AMBRA1: variants seen among roughly 807,000 people sequenced by gnomAD.
AMBRA1 encodes activating molecule in BECN1-regulated autophagy protein 1.
A neutral mutation model predicts 125.4 loss-of-function variants in AMBRA1; 47 were observed. The observed-to-expected ratio is 0.37, with a 90% CI of 0.30 to 0.48. The LOEUF is 0.48. Ranked by LOEUF, AMBRA1 falls within the 20% of genes least tolerant of loss-of-function variation. AMBRA1 has a pLI of 0.99. For missense variants in AMBRA1, 1,331 were observed against 1,693.4 expected, an observed-to-expected ratio of 0.79 and a Z score of 3.76; for synonymous variants, 626 against 655.5, an observed-to-expected ratio of 0.95 and a Z score of 0.69.
At chr11:46,475,419 AG>A (rs1313446363) in intron 11 of AMBRA1, among the ~76,000 whole-genome samples, 4 of 152,234 alleles carry the variant, frequency 2.6e-5, no homozygotes, top group Non-Finnish European at 4.4e-5. Context: ...CATTTCTTTG[AG>A]GGGGTAGACT....
At chr11:46,545,068 A>G (rs535803359) in intron 5 of AMBRA1, among the ~76,000 whole-genome samples, 9 of 145,720 alleles carry the variant, frequency 6.2e-5, no homozygotes, top group Admixed American at 5.6e-4. Flanking sequence ...TCAAGGCTGC[A>G]GTAACTTGGG....
chr11:46,556,505 C>A (rs1241871409), intron 1 of AMBRA1, among the ~76,000 whole-genome samples: 1 of 152,176 alleles, frequency 6.6e-6, no homozygotes, highest in Non-Finnish European at 1.5e-5. Context: ...AAAGTGCTAA[C>A]TGGTTAACTC....
chr11:46,435,333 A>T (rs912109555), intron 12 of AMBRA1, among the ~76,000 whole-genome samples: 16 of 152,182 alleles, frequency 1.1e-4, no homozygotes, highest in African/African-American at 3.9e-4. Flanking sequence ...ATAAGGAAAA[A>T]GTTATTAAAA....
intron 2 of AMBRA1, 116 bp downstream of exon 2, chr11:46,548,130 G>A (rs1049143576): frequency 1.4e-6 from 2 of 1,446,230 alleles, no homozygotes; most frequent in Admixed American, 3.9e-5. Flanking sequence ...AGTCAGATAT[G>A]TCAACTCTCC....
At chr11:46,457,929 C>G (rs1410631660) in intron 11 of AMBRA1, among the ~76,000 whole-genome samples, 1 of 150,592 alleles carries the variant, frequency 6.6e-6, no homozygotes, top group Non-Finnish European at 1.5e-5. Context: ...AAAAGACATT[C>G]CACCCTACTG....
At chr11:46,588,301 C>T (rs928002740) in intron 1 of AMBRA1, among the ~76,000 whole-genome samples, 1 of 152,268 alleles carries the variant, frequency 6.6e-6, no homozygotes, top group African/African-American at 2.4e-5. Flanking sequence ...AGCTGCACTC[C>T]AGCCTGGATG....
Position 46,543,211 on chromosome 11 carries a change from G to C in AMBRA1, c.806C>G (p.Ser269Ter), listed in dbSNP as rs1422344202. The change falls in exon 7 of 18, where the codon TCA becomes TGA. Residue 269 changes from serine to a stop codon, truncating the protein, a stop_gained. Transcript: ENST00000683756. LOFTEE classifies it high-confidence loss of function. ...GGGCTGAGGGGGAGGCGGTGGGGGTGAGGGGGTAGCAGAATCTTGCACTGT... is the reference window on the plus strand; with the variant it reads ...GGGCTGAGGGGGAGGCGGTGGGGGTCAGGGGGTAGCAGAATCTTGCACTGT... ...QSTVQDSATP[S>*]PPPPPPQPST... The C allele has an allele frequency of 6.2e-7, 1 of 1,605,788 alleles. No homozygotes were observed. The highest frequency in any genetic ancestry group is 1.3e-5 in the African/African-American group (1 of 74,750).
At chr11:46,482,941 G>A (rs1488104034) in intron 11 of AMBRA1, among the ~76,000 whole-genome samples, 1 of 151,668 alleles carries the variant, frequency 6.6e-6, no homozygotes, top group Non-Finnish European at 1.5e-5. Context: ...CCTGGGAGGC[G>A]GAGGTTGCAG....
At chr11:46,546,754 G>A (rs569107069) in intron 4 of AMBRA1, among the ~76,000 whole-genome samples, 1 of 152,220 alleles carries the variant, frequency 6.6e-6, no homozygotes, top group East Asian at 1.9e-4. Flanking sequence ...AAAAACCAAT[G>A]GTAAACAAGT....
chr11:46,590,532 A>G (rs1266551579), intron 1 of AMBRA1, among the ~76,000 whole-genome samples: 1 of 152,134 alleles, frequency 6.6e-6, no homozygotes, highest in Non-Finnish European at 1.5e-5. Context: ...CTAACGATAT[A>G]CAAAACTAAT....
intron 7 of AMBRA1, among the ~76,000 whole-genome samples, chr11:46,529,469 A>C (rs189097176): frequency 1.7e-4 from 26 of 152,242 alleles, no homozygotes; most frequent in Admixed American, 1.4e-3. Context: ...TACTGCAATG[A>C]CCAGTGACTC....
At position 46,548,520 on chromosome 11, in the gene AMBRA1, T is replaced by C. The variant is rs944622765; in HGVS notation, c.-120-20A>G. 1.9e-6 allele frequency: 2 copies of C among 1,053,272 alleles called. No homozygotes were observed. The highest frequency in any genetic ancestry group is 1.3e-6 in the Non-Finnish European group (1 of 754,120). The allele number at this position is 1,053,272 out of a possible 1,614,324, so 65.2% of individuals were successfully genotyped here. A position where few individuals can be genotyped will look rare whatever the true frequency, so the allele number is the denominator to read the frequency against. Reference sequence around the variant, plus strand: ...GGAAATCTTAAGGAACAAAGAATAATGTCAAAGAACGACTTCTGCAACGAG... The same window carrying C: ...GGAAATCTTAAGGAACAAAGAATAACGTCAAAGAACGACTTCTGCAACGAG... On this transcript the variant is annotated intron_variant, in intron 1 of 17. Coordinates refer to ENST00000683756, the MANE Select transcript of AMBRA1 (RefSeq NM_001387011.1).
At chr11:46,487,425 T>G (rs1950305538) in intron 11 of AMBRA1, among the ~76,000 whole-genome samples, 1 of 152,136 alleles carries the variant, frequency 6.6e-6, no homozygotes, top group Non-Finnish European at 1.5e-5. Context: ...ATGAAAAGTA[T>G]AGCTCTGTCT....
chr11:46,469,713 G>T (rs186471887), intron 11 of AMBRA1, among the ~76,000 whole-genome samples: 1 of 152,144 alleles, frequency 6.6e-6, no homozygotes, highest in Non-Finnish European at 1.5e-5. Context: ...GCCCCAGGGT[G>T]GAGTGCAGTG....
intron 11 of AMBRA1, among the ~76,000 whole-genome samples, chr11:46,475,559 A>G (rs1949782375): frequency 6.6e-6 from 1 of 152,338 alleles, no homozygotes; most frequent in South Asian, 2.1e-4. Context: ...GAATCCTAGG[A>G]TAATTCAATT....
rs559246981 is a variant in AMBRA1, at chr11:46,425,827, G to A, written c.2976+7647C>T. 1.4e-4 allele frequency among the ~76,000 whole-genome samples: 21 copies of A among 151,026 alleles called. No individual in the cohort carries two copies. In the East Asian group the frequency reaches 1.6e-3, roughly 11 times the overall value. Reference sequence around the variant, plus strand: ...GCACTCCAGCCTGTGCAACAAGAGCGAAACTCCGTCTCAAAAACAAAAAAA... The same window carrying A: ...GCACTCCAGCCTGTGCAACAAGAGCAAAACTCCGTCTCAAAAACAAAAAAA... On this transcript the variant is annotated intron_variant, in intron 14 of 17. Transcript: ENST00000683756.
At chr11:46,471,597 C>G (rs1175753500) in intron 11 of AMBRA1, among the ~76,000 whole-genome samples, 2 of 151,194 alleles carry the variant, frequency 1.3e-5, no homozygotes, top group Non-Finnish European at 2.9e-5. Flanking sequence ...GGCATTTCCC[C>G]CAAAAGGGTT....
intron 11 of AMBRA1, among the ~76,000 whole-genome samples, chr11:46,491,838 C>T (rs974512985): frequency 1.3e-5 from 2 of 152,030 alleles, no homozygotes; most frequent in Non-Finnish European, 2.9e-5. Context: ...GACCACAAGG[C>T]ATAAAGTAGG....
At chr11:46,420,713 A>G (rs1264663067) in intron 14 of AMBRA1, among the ~76,000 whole-genome samples, 1 of 152,180 alleles carries the variant, frequency 6.6e-6, no homozygotes, top group Admixed American at 6.5e-5. Flanking sequence ...GAGCACACCC[A>G]GAGTTAAGGA....
Sources: allele counts gnomAD v4.1 joint callset (sites outside exome capture counted in the v4.1 genomes callset), GRCh38; gene constraint gnomAD v4.1.1; transcripts MANE v1.5; gene names NCBI Gene and HGNC (gene_info 2026-07-23, HGNC 2026-07-21).